TSGA10: variants seen among roughly 807,000 people sequenced by gnomAD.
TSGA10 encodes the protein testis-specific gene 10 protein.
Under a neutral mutation model 96.6 loss-of-function variants are expected in TSGA10, and 43 were observed. The observed-to-expected ratio is 0.44, with a 90% CI of 0.35 to 0.57. TSGA10 has a LOEUF of 0.57. TSGA10 is among the 20% of genes least tolerant of loss of function. The pLI is 0.01. For missense variants in TSGA10, 703 were observed against 834.4 expected (o/e 0.84, Z 1.94); for synonymous variants, 229 against 269.9 (o/e 0.85, Z 1.48).
At chr2:99,041,392 A>G (rs1039723744) in intron 16 of TSGA10, among the ~76,000 whole-genome samples, 2 of 152,234 alleles carry the variant, frequency 1.3e-5, no homozygotes, top group African/African-American at 4.8e-5. Context: ...ACTAAGCAAA[A>G]AGAACAAATC....
At chr2:99,061,404 G>C (rs1356197903) in intron 16 of TSGA10, among the ~76,000 whole-genome samples, 1 of 152,106 alleles carries the variant, frequency 6.6e-6, no homozygotes, top group East Asian at 1.9e-4. Flanking sequence ...AGTGCAAGCG[G>C]GAGTGTAAAC....
At chr2:99,084,740 T>G (rs1465302630) in intron 10 of TSGA10, among the ~76,000 whole-genome samples, 1 of 151,696 alleles carries the variant, frequency 6.6e-6, no homozygotes, top group African/African-American at 2.4e-5. Flanking sequence ...GTGATAGTGG[T>G]TTTATGGCAT....
intron 12 of TSGA10, among the ~76,000 whole-genome samples, chr2:99,075,432 T>C (rs1466133388): frequency 6.6e-6 from 1 of 152,100 alleles, no homozygotes; most frequent in African/African-American, 2.4e-5. Flanking sequence ...TGCCATTGAG[T>C]TTTCTAATTT....
intron 20 of TSGA10, among the ~76,000 whole-genome samples, chr2:98,999,182 C>T (rs2077681121): frequency 6.6e-6 from 1 of 152,032 alleles, no homozygotes; most frequent in South Asian, 2.1e-4. Context: ...AGTCAGGAGC[C>T]ACTGTGTATG....
chr2:99,118,871 A>G (rs1173531827), intron 2 of TSGA10, 185 bp from the exon 3 acceptor site: 1 of 156,142 alleles, frequency 6.4e-6, no homozygotes, highest in Admixed American at 6.5e-5. Flanking sequence ...GTCATGGTAC[A>G]AATTCTTTTC....
At chr2:99,063,114 C>T (rs2084881879) in intron 16 of TSGA10, among the ~76,000 whole-genome samples, 1 of 152,106 alleles carries the variant, frequency 6.6e-6, no homozygotes, top group African/African-American at 2.4e-5. Context: ...ACAAAGTAGA[C>T]TTGACTTATA....
At chr2:99,110,114 G>A (rs553565231) in intron 5 of TSGA10, among the ~76,000 whole-genome samples, 11 of 152,278 alleles carry the variant, frequency 7.2e-5, no homozygotes, top group South Asian at 2.1e-4. Flanking sequence ...GTGGTGAGCC[G>A]AGAATGCGCC....
chr2:99,144,401 C>T (rs544539482), intron 1 of TSGA10, among the ~76,000 whole-genome samples: 3 of 150,864 alleles, frequency 2.0e-5, no homozygotes, highest in South Asian at 2.1e-4. Flanking sequence ...TCATAGGGCT[C>T]ACTTTATTTC....
At chr2:99,032,841 G>C (rs1033890263) in intron 17 of TSGA10, among the ~76,000 whole-genome samples, 1 of 152,234 alleles carries the variant, frequency 6.6e-6, no homozygotes, top group Non-Finnish European at 1.5e-5. Context: ...ACAATTGTTA[G>C]AGAGGATTAA....
intron 4 of TSGA10, among the ~76,000 whole-genome samples, chr2:99,113,901 C>A (rs1056158892): frequency 6.6e-6 from 1 of 152,114 alleles, no homozygotes; most frequent in Non-Finnish European, 1.5e-5. Flanking sequence ...CCCAGCTAAG[C>A]CACTCTTGAA....
At chr2:99,065,271 A>ATAT in intron 15 of TSGA10, 147 bp from the exon 16 acceptor site, 1 of 852,012 alleles carries the variant, frequency 1.2e-6, no homozygotes, top group Non-Finnish European at 1.7e-6. Context: ...CTTAGTTTAG[A>ATAT]AAACAGGTCA....
chr2:99,149,220 G>C (rs2093663625), intron 1 of TSGA10, among the ~76,000 whole-genome samples: 1 of 150,724 alleles, frequency 6.6e-6, no homozygotes, highest in Admixed American at 6.6e-5. Context: ...TGTGGAATCT[G>C]CTCCAGATCT....
chr2:99,120,725 T>G (rs2092526495), intron 2 of TSGA10, among the ~76,000 whole-genome samples: 1 of 152,164 alleles, frequency 6.6e-6, no homozygotes, highest in South Asian at 2.1e-4. Flanking sequence ...AGATACACCA[T>G]GTGCATGGTG....
chr2:99,040,586 A>T (rs1213187778), intron 16 of TSGA10, among the ~76,000 whole-genome samples: 2 of 152,176 alleles, frequency 1.3e-5, no homozygotes, highest in Non-Finnish European at 2.9e-5. Context: ...CTACAAGGAA[A>T]ACTACAAAAC....
chr2:99,041,725 A>T (rs562116389), intron 16 of TSGA10, among the ~76,000 whole-genome samples: 135 of 152,326 alleles, frequency 8.9e-4, no homozygotes, highest in Non-Finnish European at 1.6e-3. Flanking sequence ...AACCATAAAA[A>T]TTCTAGAACA....
At chr2:99,112,285 A>G (rs954067390) in intron 4 of TSGA10, among the ~76,000 whole-genome samples, 2 of 152,096 alleles carry the variant, frequency 1.3e-5, no homozygotes, top group Non-Finnish European at 2.9e-5. Flanking sequence ...AAAACAAAAG[A>G]TAATAGTCAA....
chr2:99,132,055 T>C (rs2093115197), intron 1 of TSGA10, among the ~76,000 whole-genome samples: 1 of 152,172 alleles, frequency 6.6e-6, no homozygotes, highest in Non-Finnish European at 1.5e-5. Flanking sequence ...CACATCGATG[T>C]TCATCAGAAA....
At chr2:99,049,220 C>T (rs2083128742) in intron 16 of TSGA10, among the ~76,000 whole-genome samples, 3 of 152,102 alleles carry the variant, frequency 2.0e-5, no homozygotes, top group African/African-American at 4.8e-5. Flanking sequence ...CCCAGCAATC[C>T]CATTAATGGG....
chr2:99,136,642 A>G (rs2093337451), intron 1 of TSGA10, among the ~76,000 whole-genome samples: 1 of 70,864 alleles, frequency 1.4e-5, no homozygotes, highest in South Asian at 5.5e-4. Context: ...CTAAAAATAC[A>G]AAAAAAATTA....
Sources: allele counts gnomAD v4.1 joint callset (sites outside exome capture counted in the v4.1 genomes callset), GRCh38; gene constraint gnomAD v4.1.1; transcripts MANE v1.5; gene names NCBI Gene and HGNC (gene_info 2026-07-23, HGNC 2026-07-21).